SLC19A3: variants seen among roughly 807,000 people sequenced by gnomAD.
SLC19A3 encodes the protein thiamine transporter 2.
SLC19A3 carries 31 observed loss-of-function variants against 40.2 expected under a neutral mutation model. The ratio of observed to expected loss-of-function variants is 0.77; its 90% CI spans 0.58 to 1.04. The LOEUF is 1.04. Among genes scored for constraint, SLC19A3 ranks in the 50% least tolerant of loss-of-function variants. The pLI is 0.00. For synonymous variants in SLC19A3, 212 were observed against 227.5 expected (o/e 0.93, Z 0.61); for missense variants, 592 against 596.7 (o/e 0.99, Z 0.08).
At chr2:227,691,081 C>T (rs1574546512) in intron 4 of SLC19A3, among the ~76,000 whole-genome samples, 1 of 151,942 alleles carries the variant, frequency 6.6e-6, no homozygotes, top group Non-Finnish European at 1.5e-5. Context: ...TCGTCTCTGA[C>T]CACAATAGAA....
chr2:227,708,387 A>G (rs1364391660), intron 1 of SLC19A3, among the ~76,000 whole-genome samples: 1 of 151,966 alleles, frequency 6.6e-6, no homozygotes, highest in African/African-American at 2.4e-5. Flanking sequence ...TTTTATTTCA[A>G]TTATTACCAT....
chr2:227,717,814 T>A (rs1179369246), intron 1 of SLC19A3, 129 bp downstream of exon 1: 1 of 703,874 alleles, frequency 1.4e-6, no homozygotes, highest in East Asian at 1.3e-4. Flanking sequence ...CGGCTCAGAG[T>A]GTAGCCCAGG....
intron 5 of SLC19A3, 131 bp from the exon 6 acceptor site, chr2:227,687,704 G>A (rs2106317601): frequency 1.2e-6 from 1 of 833,166 alleles, no homozygotes; most frequent in Admixed American, 2.1e-5. Flanking sequence ...GGGTCATTTA[G>A]GTTGAACAAT....
Position 227,686,710 on chromosome 2 carries a change from T to C in SLC19A3, c.*687A>G, listed in dbSNP as rs1279907180. 1.3e-5 allele frequency: 2 copies of C among 152,020 alleles called. No individual in the cohort carries two copies. The highest frequency in any genetic ancestry group is 2.9e-5 in the Non-Finnish European group (2 of 68,020). The allele number at this position is 152,020 out of a possible 1,614,324, so 9.4% of individuals were successfully genotyped here. On this transcript the variant is annotated 3_prime_UTR_variant, in exon 6 of 6. Transcript: ENST00000644224. ...GAAATGACCTTGTGTATTCTGCAAA[T>C]ACACAAGAGGATCTGAAGCTATTCT...
At position 227,703,631 on chromosome 2, in the gene SLC19A3, CTCT is replaced by C. The variant is rs1187703594; in HGVS notation, c.-2-1314_-2-1312del. Reference sequence around the variant, plus strand: ...CCCTTAGTCCAGAAAACAGGGCTTTCTCTTCTTCCTGGAATGCTGCTGGGTTTG... The same window carrying C: ...CCCTTAGTCCAGAAAACAGGGCTTTCTCTTCCTGGAATGCTGCTGGGTTTG... On this transcript the variant is annotated intron_variant, in intron 1 of 5. Coordinates refer to ENST00000644224, the MANE Select transcript of SLC19A3 (RefSeq NM_025243.4). The surrounding 1 kb of genome is among the most constrained non-coding windows in gnomAD (Gnocchi z 4.7). 2.0e-5 allele frequency among the ~76,000 whole-genome samples: 3 copies of C among 152,190 alleles called. No homozygotes were observed. Among genetic ancestry groups the C allele is most frequent in the Non-Finnish European group, 4.4e-5 (3 of 68,034 alleles).
Position 227,686,734 on chromosome 2 carries a change from C to T in SLC19A3, c.*663G>A, listed in dbSNP as rs991179711. On this transcript the variant is annotated 3_prime_UTR_variant, in exon 6 of 6. Coordinates refer to ENST00000644224, the MANE Select transcript of SLC19A3 (RefSeq NM_025243.4). ...ATACACAAGAGGATCTGAAGCTATT[C>T]TTGAGGGAGACTTTCAACAGCAAAA... 2.0e-5 allele frequency: 3 copies of T among 152,250 alleles called. No individual in the cohort carries two copies. Among genetic ancestry groups the T allele is most frequent in the African/African-American group, 7.2e-5 (3 of 41,542 alleles). The allele number at this position is 152,250 out of a possible 1,614,324, so 9.4% of individuals were successfully genotyped here.
At chr2:227,716,795 G>C (rs4972918) in intron 1 of SLC19A3, among the ~76,000 whole-genome samples, 52,570 of 151,844 alleles carry the variant, frequency 0.35, 10,139 homozygotes, top group Middle Eastern at 0.51. Context: ...TTAAAAGAGT[G>C]TTGTTGGTCT....
chr2:227,709,203 C>T (rs973803240), intron 1 of SLC19A3, among the ~76,000 whole-genome samples: 5 of 152,044 alleles, frequency 3.3e-5, no homozygotes, highest in African/African-American at 1.2e-4. Context: ...AAACTGAGGC[C>T]GGGCACTGTG....
intron 3 of SLC19A3, among the ~76,000 whole-genome samples, chr2:227,696,904 A>G (rs1253720002): frequency 1.3e-5 from 2 of 152,094 alleles, no homozygotes; most frequent in Non-Finnish European, 2.9e-5. Context: ...CAGCTCTACT[A>G]AAAATACAAA....
intron 1 of SLC19A3, among the ~76,000 whole-genome samples, chr2:227,710,376 T>C (rs1037197589): frequency 2.0e-5 from 3 of 152,172 alleles, no homozygotes; most frequent in African/African-American, 7.2e-5. Flanking sequence ...GGTAATTATA[T>C]GTTTGCCAGA....
intron 4 of SLC19A3, among the ~76,000 whole-genome samples, chr2:227,694,736 A>G (rs1056634720): frequency 5.9e-5 from 9 of 152,218 alleles, no homozygotes; most frequent in Non-Finnish European, 1.3e-4. Flanking sequence ...GAAATTCTAA[A>G]TCCCAGAAAT....
chr2:227,690,289 A>G (rs978483065), intron 4 of SLC19A3, among the ~76,000 whole-genome samples: 1 of 152,242 alleles, frequency 6.6e-6, no homozygotes, highest in African/African-American at 2.4e-5. Flanking sequence ...GCCAATGGAA[A>G]CAAACAAAAA....
At chr2:227,691,367 G>A (rs990476049) in intron 4 of SLC19A3, among the ~76,000 whole-genome samples, 3 of 152,202 alleles carry the variant, frequency 2.0e-5, no homozygotes, top group Non-Finnish European at 2.9e-5. Flanking sequence ...AGCACTCTGC[G>A]AGGCTGAGGC....
At chr2:227,700,997 A>G in intron 2 of SLC19A3, 1 of 1,304,228 alleles carries the variant, frequency 7.7e-7, no homozygotes, top group Non-Finnish European at 1.0e-6. Context: ...CCTTGGAGGG[A>G]AGGTCTGTTA....
intron 1 of SLC19A3, among the ~76,000 whole-genome samples, chr2:227,707,539 T>C (rs923672467): frequency 3.9e-5 from 6 of 152,000 alleles, no homozygotes; most frequent in East Asian, 3.9e-4. Context: ...GCTGAGATGG[T>C]GCCACTGCAC....
At position 227,687,539 on chromosome 2, in the gene SLC19A3, G is replaced by A. The variant is rs767080667; in HGVS notation, c.1349C>T (p.Ala450Val). 1 of 1,614,042 alleles carries A rather than the reference G, an allele frequency of 6.2e-7. No homozygotes were observed. Among genetic ancestry groups the A allele is most frequent in the Admixed American group, 1.7e-5 (1 of 60,016 alleles). Reference sequence around the variant, plus strand: ...CATGCTTCTCATTAGGAAAATTCCAGCAATTACTGCAAAATAGCTCCCATA... The same window carrying A: ...CATGCTTCTCATTAGGAAAATTCCAACAATTACTGCAAAATAGCTCCCATA... ...LVYGSYFAVIAGIFLMRSMYI... is the reference protein window; with the variant it reads ...LVYGSYFAVIVGIFLMRSMYI... Residue 450 changes from alanine (A) to valine (V), a missense_variant, in exon 6 of 6, where the codon GCT (alanine) becomes GTT (valine). Transcript: ENST00000644224.
chr2:227,702,067 A>T, intron 2 of SLC19A3, 102 bp downstream of exon 2: 1 of 927,366 alleles, frequency 1.1e-6, no homozygotes, highest in Non-Finnish European at 1.7e-6. Flanking sequence ...CACTGAGTTT[A>T]ATGTGTTCAT....
chr2:227,688,488 G>A (rs1695105023), intron 4 of SLC19A3, among the ~76,000 whole-genome samples, 181 bp from the exon 5 acceptor site: 1 of 152,148 alleles, frequency 6.6e-6, no homozygotes, highest in African/African-American at 2.4e-5. Context: ...GTCTCTGTCT[G>A]GTAATCCAGA....
chr2:227,698,720 A>G lies in SLC19A3; in HGVS notation c.979+16T>C. 1 of 1,605,456 alleles carries G rather than the reference A, an allele frequency of 6.2e-7. No individual in the cohort carries two copies. The highest frequency in any genetic ancestry group is 8.5e-7 in the Non-Finnish European group (1 of 1,173,418). On this transcript the variant is annotated intron_variant, in intron 3 of 5. Transcript: ENST00000644224. ...GGGTAAAGCCAACAAAGGAAGATTA[A>G]GTGACATTTGCTTACCTCCAAAGGT...
Sources: gnomAD v4.1 joint callset for allele counts (sites outside exome capture counted in the v4.1 genomes callset) on GRCh38, gnomAD v4.1.1 for gene constraint, Gnocchi (gnomAD v3.1) non-coding constraint, MANE v1.5 for transcripts, NCBI Gene and HGNC (gene_info 2026-07-23, HGNC 2026-07-21) for gene names.